PCDHGB4: variants seen among roughly 807,000 people sequenced by gnomAD.
PCDHGB4 encodes protocadherin gamma subfamily B, 4.
In PCDHGB4, 38 loss-of-function variants were observed where a neutral mutation model predicts 60.5. The ratio of observed to expected loss-of-function variants is 0.63; its 90% CI spans 0.48 to 0.82. PCDHGB4 has a LOEUF of 0.82. Among genes scored for constraint, PCDHGB4 ranks in the 40% least tolerant of loss-of-function variants. The probability of loss-of-function intolerance (pLI) is 0.00; values close to 1 mark genes in which losing one functional copy is unlikely to be tolerated. For synonymous variants in PCDHGB4, 456 were observed against 509.7 expected, an observed-to-expected ratio of 0.89 and a Z score of 1.42; for missense variants, 1,109 against 1,209.6, an observed-to-expected ratio of 0.92 and a Z score of 1.23.
At chr5:141,393,937 ACT>A in intron 1 of PCDHGB4, 3 of 1,613,906 alleles carry the variant, frequency 1.9e-6, no homozygotes, top group Non-Finnish European at 2.5e-6. Flanking sequence ...CATGACCAAG[ACT>A]CTGGAAAGAA....
rs1288831801 is a variant in PCDHGB4, at chr5:141,477,793, T to C, written c.2398-17014T>C. The C allele has an allele frequency of 6.2e-7, 1 of 1,614,050 alleles. No homozygotes were observed. The highest frequency in any genetic ancestry group is 2.2e-5 in the East Asian group (1 of 44,874). ...TCAGCGTGAACATATTTGTCACTGATCGCAATGACAATGCCCCCCAGGTCC... is the reference window on the plus strand; with the variant it reads ...TCAGCGTGAACATATTTGTCACTGACCGCAATGACAATGCCCCCCAGGTCC... On this transcript the variant is annotated intron_variant, in intron 1 of 3. Coordinates refer to ENST00000519479, the MANE Select transcript of PCDHGB4 (RefSeq NM_003736.4). This position sits in a 1 kb window ranked among gnomAD's most constrained non-coding sequence, Gnocchi z 4.9.
At position 141,388,626 on chromosome 5, in the gene PCDHGB4, A is replaced by C; in HGVS notation, c.742A>C (p.Arg248=). 1 of 1,613,974 alleles carries C rather than the reference A, an allele frequency of 6.2e-7. No individual in the cohort carries two copies. Among genetic ancestry groups the C allele is most frequent in the Non-Finnish European group, 8.5e-7 (1 of 1,179,892 alleles). The part of the protein sequence containing the change: ...NAPVFSQDVY[R]VSLSENVYPG... The stretch of plus-strand genomic sequence containing the variant: ...TCCAGTGTTCAGTCAAGACGTATAC[A>C]GGGTGAGCCTTTCAGAAAACGTGTA... The change falls in exon 1 of 4, where the codon AGG becomes CGG. Residue 248 remains arginine, a synonymous_variant. Transcript: ENST00000519479.
intron 1 of PCDHGB4, among the ~76,000 whole-genome samples, chr5:141,460,764 G>A (rs2098996981): frequency 6.6e-6 from 1 of 150,516 alleles, no homozygotes; most frequent in Admixed American, 6.7e-5. Flanking sequence ...TATACATATT[G>A]CATATGTATG....
chr5:141,414,334 A>G, intron 1 of PCDHGB4: 6 of 1,613,782 alleles, frequency 3.7e-6, no homozygotes, highest in Non-Finnish European at 5.1e-6. Flanking sequence ...TGGACAGGTA[A>G]CCTGTTCCAT....
Position 141,418,737 on chromosome 5 carries a change from C to T in PCDHGB4, c.2397+28456C>T, listed in dbSNP as rs768683069. 7.4e-6 allele frequency: 12 copies of T among 1,613,960 alleles called. No homozygotes were observed. The South Asian group carries it at 1.3e-4, about 18-fold the overall frequency. ...GCTGACAAAGCTCAGCACGTGTTCT[C>T]TCTGGATTACACTACAGGAAACATT... On this transcript the variant is annotated intron_variant, in intron 1 of 3. Coordinates refer to ENST00000519479, the MANE Select transcript of PCDHGB4 (RefSeq NM_003736.4).
intron 1 of PCDHGB4, chr5:141,423,723 T>C: frequency 8.5e-7 from 1 of 1,174,478 alleles, no homozygotes; most frequent in Non-Finnish European, 1.1e-6. Context: ...TAAGGAGATG[T>C]TTTTTGAGCC....
chr5:141,403,671 C>T (rs1322750068), intron 1 of PCDHGB4: 3 of 1,613,786 alleles, frequency 1.9e-6, no homozygotes, highest in African/African-American at 1.3e-5. Flanking sequence ...GATAATGCCC[C>T]GGTTTTTGCT....
intron 1 of PCDHGB4, among the ~76,000 whole-genome samples, chr5:141,488,544 C>G (rs1225754325): frequency 6.6e-6 from 1 of 152,166 alleles, no homozygotes; most frequent in African/African-American, 2.4e-5. Flanking sequence ...AGTCCCATGT[C>G]AGCTGACATT....
chr5:141,398,336 C>T lies in PCDHGB4; in HGVS notation c.2397+8055C>T, dbSNP rs2093641789. The T allele has an allele frequency of 7.3e-6, 10 of 1,363,224 alleles. No individual in the cohort carries two copies. In the East Asian group the frequency reaches 1.7e-4, roughly 24 times the overall value. 84.4% of individuals were successfully genotyped at this position (1,363,224 alleles called of 1,614,324 possible). On this transcript the variant is annotated intron_variant, in intron 1 of 3. Coordinates refer to ENST00000519479, the MANE Select transcript of PCDHGB4 (RefSeq NM_003736.4). ...CCGACTCGAAAACTGCGCGTCAGTT[C>T]GGAGAAGCCTTACTTCACCGTGAGC...
chr5:141,477,573 C>T lies in PCDHGB4; in HGVS notation c.2398-17234C>T, dbSNP rs1593790046. The T allele has an allele frequency of 6.2e-7, 1 of 1,614,056 alleles. No individual in the cohort carries two copies. Among genetic ancestry groups the T allele is most frequent in the South Asian group, 1.1e-5 (1 of 91,086 alleles). ...AACCTAAGTGTCTGGGACCCCGACGCCCCGCAGAATGCTCGGCTTTCTTTC... is the reference window on the plus strand; with the variant it reads ...AACCTAAGTGTCTGGGACCCCGACGTCCCGCAGAATGCTCGGCTTTCTTTC... On this transcript the variant is annotated intron_variant, in intron 1 of 3. Coordinates refer to ENST00000519479, the MANE Select transcript of PCDHGB4 (RefSeq NM_003736.4). This position sits in a 1 kb window ranked among gnomAD's most constrained non-coding sequence, Gnocchi z 4.9.
rs554670088 is a variant in PCDHGB4 at position 141,391,069 on chromosome 5, T to C, written c.2397+788T>C. The C allele has an allele frequency of 4.1e-4, 63 of 152,324 alleles. 1 individual carries two copies. Among genetic ancestry groups the C allele is most frequent in the African/African-American group, 1.4e-3 (59 of 41,576 alleles). The allele number at this position is 152,324 out of a possible 1,614,324, so 9.4% of individuals were successfully genotyped here. A position where few individuals can be genotyped will look rare whatever the true frequency, so the allele number is the denominator to read the frequency against. ...GTCCCTCTCACACACAGCCCTAATA[T>C]ATAATGTGTAACTGCCTTATCTGCA... On this transcript the variant is annotated intron_variant, in intron 1 of 3. Transcript: ENST00000519479.
At position 141,413,304 on chromosome 5, in the gene PCDHGB4, A is replaced by T; in HGVS notation, c.2397+23023A>T. The T allele has an allele frequency of 1.9e-6, 3 of 1,613,982 alleles. No individual in the cohort carries two copies. The Admixed American group carries it at 5.0e-5, about 27-fold the overall frequency. On this transcript the variant is annotated intron_variant, in intron 1 of 3. Transcript: ENST00000519479. Reference sequence around the variant, plus strand: ...TCTCCTACTCAATTCCTGAGGAATTAGAGAAAGGCTCTTTCGTGGGCAACA... The same window carrying T: ...TCTCCTACTCAATTCCTGAGGAATTTGAGAAAGGCTCTTTCGTGGGCAACA...
rs1562144438 is a variant in PCDHGB4, at chr5:141,491,135, G to A, written c.2398-3672G>A. On this transcript the variant is annotated intron_variant, in intron 1 of 3. Transcript: ENST00000519479. The surrounding 1 kb of genome is among the most constrained non-coding windows in gnomAD (Gnocchi z 6.9). Reference sequence around the variant, plus strand: ...CACACTGGTGAGGTGCGCACAGCCCGGGCCTTACTGGAGGATGACTCTGAC... The same window carrying A: ...CACACTGGTGAGGTGCGCACAGCCCAGGCCTTACTGGAGGATGACTCTGAC... 4 of 1,614,104 alleles carry A rather than the reference G, an allele frequency of 2.5e-6. No homozygotes were observed. The highest frequency in any genetic ancestry group is 1.3e-5 in the African/African-American group (1 of 75,034).
chr5:141,434,802 G>A (rs1009500775), intron 1 of PCDHGB4, among the ~76,000 whole-genome samples: 10 of 151,488 alleles, frequency 6.6e-5, no homozygotes, highest in African/African-American at 2.4e-4. Flanking sequence ...TTCTGAGCTT[G>A]GAGAAATATA....
At chr5:141,437,426 C>G (rs531265278) in intron 1 of PCDHGB4, among the ~76,000 whole-genome samples, 2 of 152,150 alleles carry the variant, frequency 1.3e-5, no homozygotes, top group Non-Finnish European at 2.9e-5. Context: ...CTTTTTGAAG[C>G]AGCAATAGCA....
At chr5:141,484,176 A>G (rs1044076131) in intron 1 of PCDHGB4, among the ~76,000 whole-genome samples, 1 of 152,236 alleles carries the variant, frequency 6.6e-6, no homozygotes, top group East Asian at 1.9e-4. Context: ...GCTGATCTCA[A>G]TCATTCAAGG....
At chr5:141,422,110 T>A in intron 1 of PCDHGB4, 1 of 1,606,626 alleles carries the variant, frequency 6.2e-7, no homozygotes, top group South Asian at 1.1e-5. Flanking sequence ...AATATTCCAA[T>A]TGGATTCACA....
At position 141,432,289 on chromosome 5, in the gene PCDHGB4, C is replaced by A. The variant is rs762278053; in HGVS notation, c.2397+42008C>A. 2 of 1,614,148 alleles carry A rather than the reference C, an allele frequency of 1.2e-6. No individual in the cohort carries two copies. Among genetic ancestry groups the A allele is most frequent in the African/African-American group, 2.7e-5 (2 of 74,952 alleles). On this transcript the variant is annotated intron_variant, in intron 1 of 3. Coordinates refer to ENST00000519479, the MANE Select transcript of PCDHGB4 (RefSeq NM_003736.4). The surrounding 1 kb of genome is among the most constrained non-coding windows in gnomAD (Gnocchi z 6.0). ...CGTCCTACGTGTCCATCAACTCCGA[C>A]ACTGGGGTACTGTATGCGCTGAGCT...
intron 1 of PCDHGB4, among the ~76,000 whole-genome samples, chr5:141,474,684 T>A (rs1302389621): frequency 6.6e-6 from 1 of 152,246 alleles, no homozygotes; most frequent in Non-Finnish European, 1.5e-5. Context: ...TGCCTACCCC[T>A]TCACTTATGT....
Sources: allele counts gnomAD v4.1 joint callset (sites outside exome capture counted in the v4.1 genomes callset), GRCh38; gene constraint gnomAD v4.1.1; non-coding constraint Gnocchi (gnomAD v3.1); transcripts MANE v1.5; gene names NCBI Gene and HGNC (gene_info 2026-07-23, HGNC 2026-07-21).